The following MXD1 variants were observed in gnomAD, a reference collection of about 807,000 sequenced individuals.
The protein encoded by MXD1 is MAX dimerization protein 1.
A neutral mutation model predicts 25.7 loss-of-function variants in MXD1; 9 were observed. The ratio of observed to expected loss-of-function variants is 0.35; its 90% CI spans 0.21 to 0.61. The LOEUF (loss-of-function observed/expected upper bound fraction) is 0.61, where lower values mean the gene tolerates loss of function less well. MXD1 is among the 20% of genes least tolerant of loss of function. The pLI is 0.75. For missense variants in MXD1, 227 were observed against 292.4 expected, an observed-to-expected ratio of 0.78 and a Z score of 1.63; for synonymous variants, 99 against 113.9, an observed-to-expected ratio of 0.87 and a Z score of 0.83.
At chr2:69,921,657 T>G (rs1218313638) in intron 2 of MXD1, 79 bp from the exon 3 acceptor site, 2 of 1,329,398 alleles carry the variant, frequency 1.5e-6, no homozygotes, top group Non-Finnish European at 2.1e-6. Context: ...GAGAAAGAAG[T>G]TAAAAGAATT....
At position 69,915,828 on chromosome 2, in the gene MXD1, C is replaced by T. The variant is rs1676952030; in HGVS notation, c.74-293C>T. 6.6e-6 allele frequency among the ~76,000 whole-genome samples: 1 copy of T among 152,244 alleles called. No individual in the cohort carries two copies. Among genetic ancestry groups the T allele is most frequent in the Non-Finnish European group, 1.5e-5 (1 of 68,040 alleles). On this transcript the variant is annotated intron_variant, in intron 1 of 5. Transcript: ENST00000264444. The surrounding 1 kb of genome is among the most constrained non-coding windows in gnomAD (Gnocchi z 5.8). ...CTTCGCCTGAGCTGGTTCCACTTAACCCGCACCAACCTGCTGGATGTAGCC... is the reference window on the plus strand; with the variant it reads ...CTTCGCCTGAGCTGGTTCCACTTAATCCGCACCAACCTGCTGGATGTAGCC...
At chr2:69,926,034 C>G (rs1275949579) in intron 3 of MXD1, among the ~76,000 whole-genome samples, 5 of 152,166 alleles carry the variant, frequency 3.3e-5, no homozygotes, top group African/African-American at 1.2e-4. Flanking sequence ...CTGTGTGTCT[C>G]TTTGTGTGAA....
At chr2:69,931,151 C>T (rs1026805429) in intron 3 of MXD1, among the ~76,000 whole-genome samples, 3 of 152,100 alleles carry the variant, frequency 2.0e-5, no homozygotes, top group Admixed American at 2.0e-4. Context: ...GGTGTTCATC[C>T]CCTCAAGCAT....
At chr2:69,929,418 G>C (rs1437494193) in intron 3 of MXD1, among the ~76,000 whole-genome samples, 1 of 152,192 alleles carries the variant, frequency 6.6e-6, no homozygotes, top group African/African-American at 2.4e-5. Flanking sequence ...CCAATTTGCA[G>C]ATCTACTAGC....
intron 2 of MXD1, among the ~76,000 whole-genome samples, chr2:69,921,318 G>C (rs1314423164): frequency 6.6e-6 from 1 of 152,098 alleles, no homozygotes; most frequent in African/African-American, 2.4e-5. Context: ...ACAAAATTTT[G>C]GTGTATGCTA....
intron 3 of MXD1, among the ~76,000 whole-genome samples, chr2:69,923,172 T>A (rs1677103485): frequency 1.3e-5 from 2 of 151,622 alleles, no homozygotes; most frequent in Admixed American, 1.3e-4. Context: ...ACAAACAAAA[T>A]AATGCCCAGA....
chr2:69,915,440 G>GGACCTGTGGGGA lies in MXD1; in HGVS notation c.73+37_73+38insGACCTGTGGGGA. 1 of 1,260,002 alleles carries GGACCTGTGGGGA rather than the reference G, an allele frequency of 7.9e-7. No homozygotes were observed. Among genetic ancestry groups the GGACCTGTGGGGA allele is most frequent in the Non-Finnish European group, 1.0e-6 (1 of 992,382 alleles). The allele number at this position is 1,260,002 out of a possible 1,614,324, so 78.1% of individuals were successfully genotyped here. ...CGGGGAGGGGTCCACTCGAAACGAGGCCGGGGGTCCTGTGGGGCCGGCCTC... is the reference window on the plus strand; with the variant it reads ...CGGGGAGGGGTCCACTCGAAACGAGGGACCTGTGGGGACCGGGGGTCCTGTGGGGCCGGCCTC... On this transcript the variant is annotated intron_variant, in intron 1 of 5. Coordinates refer to ENST00000264444, the MANE Select transcript of MXD1 (RefSeq NM_002357.4). This position sits in a 1 kb window ranked among gnomAD's most constrained non-coding sequence, Gnocchi z 5.8.
intron 3 of MXD1, among the ~76,000 whole-genome samples, chr2:69,929,992 C>A (rs1677247511): frequency 6.6e-6 from 1 of 152,210 alleles, no homozygotes; most frequent in Non-Finnish European, 1.5e-5. Flanking sequence ...CAGTGTCACA[C>A]ACATCTATTC....
chr2:69,920,776 C>G (rs540459859), intron 2 of MXD1, among the ~76,000 whole-genome samples: 2 of 152,286 alleles, frequency 1.3e-5, no homozygotes, highest in South Asian at 4.1e-4. Context: ...CTGGTAGCTT[C>G]TTCCAAATTT....
intron 3 of MXD1, among the ~76,000 whole-genome samples, chr2:69,933,215 A>AAAAAAAAAAC (rs1558571807): frequency 6.7e-6 from 1 of 149,752 alleles, no homozygotes; most frequent in Non-Finnish European, 1.5e-5. Context: ...AAAAAAAAAA[A>AAAAAAAAAAC]AAAAAAAAAC....
intron 3 of MXD1, among the ~76,000 whole-genome samples, chr2:69,923,054 AAC>A (rs1558568637): frequency 2.9e-5 from 4 of 136,718 alleles, no homozygotes; most frequent in Admixed American, 7.2e-5. Context: ...AAAAAAAAAA[AAC>A]ACACAAAACA....
intron 5 of MXD1, among the ~76,000 whole-genome samples, chr2:69,937,862 C>T (rs767470025): frequency 6.6e-6 from 1 of 152,242 alleles, no homozygotes; most frequent in South Asian, 2.1e-4. Context: ...AATTCACCCA[C>T]CTTGGCCTCC....
rs933686989 is a variant in MXD1 at position 69,941,613 on chromosome 2, C to T, written c.*3329C>T. On this transcript the variant is annotated 3_prime_UTR_variant, in exon 6 of 6. Coordinates refer to ENST00000264444, the MANE Select transcript of MXD1 (RefSeq NM_002357.4). ...TTTAAGGTGGGCATTTTCCTTTAAC[C>T]TCTACTTTTTCAAAAGCAACAAAGG... The T allele has an allele frequency of 1.3e-5, 2 of 152,040 alleles. No individual in the cohort carries two copies. The highest frequency in any genetic ancestry group is 6.6e-5 in the Admixed American group (1 of 15,256). The allele number at this position is 152,040 out of a possible 1,614,324, so 9.4% of individuals were successfully genotyped here.
intron 4 of MXD1, among the ~76,000 whole-genome samples, chr2:69,935,995 G>A (rs1009757254): frequency 1.8e-4 from 28 of 152,046 alleles, no homozygotes; most frequent in African/African-American, 6.3e-4. Flanking sequence ...ACTTGCCTCT[G>A]CAGCACCATC....
intron 3 of MXD1, among the ~76,000 whole-genome samples, chr2:69,922,838 C>G (rs936541036): frequency 6.6e-6 from 1 of 151,028 alleles, no homozygotes; most frequent in African/African-American, 2.4e-5. Context: ...CGAGATCCCG[C>G]CACTGCACTC....
rs1197889844 is a variant in MXD1 at position 69,939,147 on chromosome 2, C to CT, written c.*863_*864insT. 2 of 152,348 alleles carry CT rather than the reference C, an allele frequency of 1.3e-5. No homozygotes were observed. The highest frequency in any genetic ancestry group is 3.9e-4 in the East Asian group (2 of 5,190). 9.4% of individuals were successfully genotyped at this position (152,348 alleles called of 1,614,324 possible). A position where few individuals can be genotyped will look rare whatever the true frequency, so the allele number is the denominator to read the frequency against. On this transcript the variant is annotated 3_prime_UTR_variant, in exon 6 of 6. Transcript: ENST00000264444. Reference sequence around the variant, plus strand: ...TAACACAGTGATTATCCTTTTTTCCCCCCCCAAAATAGTGACATTTGGTCC... The same window carrying CT: ...TAACACAGTGATTATCCTTTTTTCCCTCCCCCAAAATAGTGACATTTGGTCC...
rs1004145356 is a variant in MXD1, at chr2:69,932,791, T to C, written c.204-2560T>C. On this transcript the variant is annotated intron_variant, in intron 3 of 5. Coordinates refer to ENST00000264444, the MANE Select transcript of MXD1 (RefSeq NM_002357.4). ...CTTCCTAAAAAAATTCACACACTCA[T>C]ATCTGCATATAAACCAACATCATAA... Among the ~76,000 whole-genome samples, 3 of 152,234 alleles carry C rather than the reference T, an allele frequency of 2.0e-5. No individual in the cohort carries two copies. The South Asian group carries it at 6.2e-4, about 32-fold the overall frequency.
rs1216907478 is a variant in MXD1 at position 69,938,162 on chromosome 2, A to G, written c.544A>G (p.Ser182Gly). ...LTGDLDWSSSSVSDSDERGSM... is the reference protein window; with the variant it reads ...LTGDLDWSSSGVSDSDERGSM... ...AGGTGATCTGGACTGGAGCAGCAGC[A>G]GTGTGAGCGACTCTGACGAGCGGGG... The change falls in exon 6 of 6, where the codon AGT (serine) becomes GGT (glycine). Residue 182 changes from serine to glycine, a missense_variant. Coordinates refer to ENST00000264444, the MANE Select transcript of MXD1 (RefSeq NM_002357.4). 6.2e-7 allele frequency: 1 copy of G among 1,613,784 alleles called. No homozygotes were observed. Among genetic ancestry groups the G allele is most frequent in the Non-Finnish European group, 8.5e-7 (1 of 1,179,860 alleles).
At chr2:69,934,351 C>G (rs1018147721) in intron 3 of MXD1, among the ~76,000 whole-genome samples, 4 of 152,184 alleles carry the variant, frequency 2.6e-5, no homozygotes, top group African/African-American at 2.4e-5. Context: ...TTTCCAGGTT[C>G]TAGAATAAAG....
Sources: allele counts gnomAD v4.1 joint callset (sites outside exome capture counted in the v4.1 genomes callset), GRCh38; gene constraint gnomAD v4.1.1; non-coding constraint Gnocchi (gnomAD v3.1); transcripts MANE v1.5; gene names NCBI Gene and HGNC (gene_info 2026-07-23, HGNC 2026-07-21).